Variants in NHSL2 observed in about 807,000 individuals in gnomAD.
NHSL2 encodes NHS-like protein 2.
Under a neutral mutation model 53.4 loss-of-function variants are expected in NHSL2, and 27 were observed. The ratio of observed to expected loss-of-function variants is 0.51; its 90% CI spans 0.37 to 0.70. NHSL2 has a LOEUF of 0.70. Among genes scored for constraint, NHSL2 ranks in the 30% least tolerant of loss-of-function variants. NHSL2 has a pLI of 0.00. For missense variants in NHSL2, 892 were observed against 980.1 expected (o/e 0.91, Z 1.20); for synonymous variants, 408 against 404.1 (o/e 1.01, Z -0.12).
chrX:72,082,857 A>G (rs936849834), intron 1 of NHSL2, among the ~76,000 whole-genome samples: 1 of 112,384 alleles, frequency 8.9e-6, no homozygotes, highest in African/African-American at 3.2e-5. Flanking sequence ...ATGGTGCCCC[A>G]TGCTCTCAGG....
chrX:71,999,689 A>G (rs2042064521), intron 1 of NHSL2, among the ~76,000 whole-genome samples: 2 of 112,287 alleles, frequency 1.8e-5, no homozygotes, highest in Non-Finnish European at 3.8e-5. Context: ...AATGTTTTAT[A>G]ATTATGTAAG....
At chrX:72,070,009 G>C (rs928133838) in intron 1 of NHSL2, among the ~76,000 whole-genome samples, 1 of 112,456 alleles carries the variant, frequency 8.9e-6, no homozygotes, top group African/African-American at 3.2e-5. Context: ...AGGGTGGCTG[G>C]AGTGTCAGAG....
chrX:72,076,776 C>T (rs2041747190), intron 1 of NHSL2, among the ~76,000 whole-genome samples: 1 of 112,315 alleles, frequency 8.9e-6, no homozygotes, highest in African/African-American at 3.2e-5. Flanking sequence ...TAAGTGCCAT[C>T]TCCAGTCATG....
At chrX:71,965,741 C>T (rs374281657) in intron 1 of NHSL2, among the ~76,000 whole-genome samples, 23 of 112,192 alleles carry the variant, frequency 2.1e-4, no homozygotes, top group African/African-American at 5.2e-4. Context: ...TATTCATGAA[C>T]GTAGACTATC....
intron 1 of NHSL2, among the ~76,000 whole-genome samples, chrX:72,037,029 G>A (rs1231100284): frequency 8.9e-6 from 1 of 111,811 alleles, no homozygotes; most frequent in Non-Finnish European, 1.9e-5. Flanking sequence ...TTGATATGAT[G>A]AGTGATTTTT....
intron 2 of NHSL2, 50 bp downstream of exon 2, chrX:72,132,284 AGCGGCAG>A (rs2042313861): frequency 9.4e-7 from 1 of 1,067,099 alleles, no homozygotes; most frequent in Non-Finnish European, 1.3e-6. Context: ...CGAGATGCGC[AGCGGCAG>A]GAGGGAGGCA....
At chrX:72,069,781 G>A (rs1007466736) in intron 1 of NHSL2, 18 of 828,287 alleles carry the variant, frequency 2.2e-5, no homozygotes, top group Middle Eastern at 4.9e-4. Flanking sequence ...CTCCTTTTCC[G>A]GGGCTCCTAC....
chrX:72,095,037 T>A (rs1365130250), intron 1 of NHSL2, among the ~76,000 whole-genome samples: 3 of 112,147 alleles, frequency 2.7e-5, no homozygotes, highest in African/African-American at 9.7e-5. Context: ...TCAGCACCAC[T>A]TGGTCTAAAA....
chrX:71,951,005 TACAC>T (rs10527333), intron 1 of NHSL2, among the ~76,000 whole-genome samples: 26 of 89,757 alleles, frequency 2.9e-4, no homozygotes, highest in African/African-American at 9.0e-4. Context: ...AAATACAAAA[TACAC>T]ACACACACAC....
intron 1 of NHSL2, among the ~76,000 whole-genome samples, chrX:72,065,989 G>A (rs945364910): frequency 3.6e-5 from 4 of 112,214 alleles, no homozygotes; most frequent in Non-Finnish European, 5.6e-5. Flanking sequence ...TGACACTTTA[G>A]ACAACAAATC....
chrX:72,077,256 C>G (rs1401421722), intron 1 of NHSL2, among the ~76,000 whole-genome samples: 1 of 110,869 alleles, frequency 9.0e-6, no homozygotes, highest in Non-Finnish European at 1.9e-5. Flanking sequence ...CCCCACCTCC[C>G]CACTGTTGAA....
chrX:71,973,233 G>A (rs1313313916), intron 1 of NHSL2, among the ~76,000 whole-genome samples: 1 of 112,281 alleles, frequency 8.9e-6, no homozygotes, highest in Non-Finnish European at 1.9e-5. Context: ...TCCTGAAGTA[G>A]GTGCAGCCTA....
At chrX:72,052,825 C>G (rs1005305387) in intron 1 of NHSL2, among the ~76,000 whole-genome samples, 1 of 111,778 alleles carries the variant, frequency 8.9e-6, no homozygotes, top group Non-Finnish European at 1.9e-5. Context: ...TTTCTTCACC[C>G]TCTGCTCCCC....
At chrX:72,073,705 C>T (rs1232266002) in intron 1 of NHSL2, among the ~76,000 whole-genome samples, 1 of 112,381 alleles carries the variant, frequency 8.9e-6, no homozygotes, top group Non-Finnish European at 1.9e-5. Flanking sequence ...GATCCAATAA[C>T]AAGGAAGTTG....
At chrX:71,937,453 C>T (rs2041744544) in intron 1 of NHSL2, among the ~76,000 whole-genome samples, 1 of 111,768 alleles carries the variant, frequency 8.9e-6, no homozygotes, top group Admixed American at 9.5e-5. Context: ...CTATACTGTG[C>T]ATTTCAGAAT....
intron 1 of NHSL2, chrX:72,131,323 AGCGC>A (rs1421889227): frequency 8.3e-7 from 1 of 1,198,314 alleles, no homozygotes; most frequent in African/African-American, 1.8e-5. Flanking sequence ...GATCTCACTG[AGCGC>A]GAACTCCAAG....
At chrX:72,031,108 C>T (rs58273827) in intron 1 of NHSL2, among the ~76,000 whole-genome samples, 3,642 of 111,870 alleles carry the variant, frequency 0.033, 141 homozygotes, top group African/African-American at 0.11. Flanking sequence ...GAAGGAGAGG[C>T]GGACGTGTGA....
At chrX:71,943,685 G>A (rs2041779291) in intron 1 of NHSL2, among the ~76,000 whole-genome samples, 2 of 112,721 alleles carry the variant, frequency 1.8e-5, no homozygotes, top group Admixed American at 1.9e-4. Context: ...GTATAGGAGT[G>A]TACTTTTCAT....
chrX:72,113,768 TTGGG>T (rs2042112536), intron 1 of NHSL2, among the ~76,000 whole-genome samples: 1 of 112,467 alleles, frequency 8.9e-6, no homozygotes, highest in Non-Finnish European at 1.9e-5. Context: ...TTGAACCTGA[TTGGG>T]CAATTCAGAC....
Sources: gnomAD v4.1 joint callset for allele counts (sites outside exome capture counted in the v4.1 genomes callset) on GRCh38, gnomAD v4.1.1 for gene constraint, MANE v1.5 for transcripts, NCBI Gene and HGNC (gene_info 2026-07-23, HGNC 2026-07-21) for gene names.